Variants in MYH15 observed in about 807,000 individuals in gnomAD.
MYH15 encodes the protein myosin-15.
MYH15 carries 227 observed loss-of-function variants against 240.5 expected under a neutral mutation model. The observed-to-expected ratio is 0.94, with a 90% confidence interval of 0.85 to 1.05. The LOEUF (loss-of-function observed/expected upper bound fraction) is 1.05. MYH15 is among the 50% of genes least tolerant of loss of function. The pLI is 0.00. For missense variants in MYH15, 2,217 were observed against 2,247.5 expected (o/e 0.99, Z 0.27); for synonymous variants, 785 against 796.7 (o/e 0.99, Z 0.25).
chr3:108,470,338 A>T (rs1347336833), intron 13 of MYH15, 126 bp from the exon 14 acceptor site: 1 of 628,904 alleles, frequency 1.6e-6, no homozygotes, highest in Non-Finnish European at 2.6e-6. Context: ...AACAAGTAAC[A>T]AATGCTCAAT....
At chr3:108,406,395 G>A (rs2082546753) in intron 32 of MYH15, among the ~76,000 whole-genome samples, 1 of 152,072 alleles carries the variant, frequency 6.6e-6, no homozygotes, top group African/African-American at 2.4e-5. Flanking sequence ...AAAGATGATG[G>A]GAATTTTAAT....
chr3:108,445,491 C>G (rs546845847), intron 21 of MYH15, among the ~76,000 whole-genome samples: 19 of 151,516 alleles, frequency 1.3e-4, no homozygotes, highest in African/African-American at 4.4e-4. Flanking sequence ...GAATGATACA[C>G]AAATATCCAA....
chr3:108,424,748 T>C (rs1365283704), intron 27 of MYH15, among the ~76,000 whole-genome samples: 2 of 152,190 alleles, frequency 1.3e-5, no homozygotes, highest in Non-Finnish European at 2.9e-5. Flanking sequence ...AAGTAAACAA[T>C]TCAAGGAACA....
chr3:108,480,586 C>T (rs1290681755), intron 11 of MYH15, among the ~76,000 whole-genome samples: 1 of 152,016 alleles, frequency 6.6e-6, no homozygotes. Context: ...CAGAGTGAAC[C>T]CATTGCAGAA....
At chr3:108,434,825 C>T (rs1186285719) in intron 25 of MYH15, among the ~76,000 whole-genome samples, 1 of 152,120 alleles carries the variant, frequency 6.6e-6, no homozygotes, top group East Asian at 1.9e-4. Flanking sequence ...AATAAGATAG[C>T]CCTGTCCCTT....
chr3:108,428,808 G>A lies in MYH15; in HGVS notation c.3386C>T (p.Ala1129Val). 2 of 1,613,840 alleles carry A rather than the reference G, an allele frequency of 1.2e-6. 1 individual carries two copies. Among genetic ancestry groups the A allele is most frequent in the South Asian group, 2.2e-5 (2 of 91,036 alleles). Residue 1129 changes from alanine to valine, a missense_variant, in exon 27 of 41, where the codon GCT becomes GTT. By Grantham distance (64) the Ala-to-Val change is moderately conservative. Coordinates refer to ENST00000693548, the MANE Select transcript of MYH15 (RefSeq NM_014981.3). ...TTRAKMERERADLTQDLADLN... is the reference protein window; with the variant it reads ...TTRAKMERERVDLTQDLADLN... Reference sequence around the variant, plus strand: ...GTCAGCCAGGTCTTGGGTGAGGTCAGCTCTCTCCCTTTCCATCTTGGCTCG... The same window carrying A: ...GTCAGCCAGGTCTTGGGTGAGGTCAACTCTCTCCCTTTCCATCTTGGCTCG...
chr3:108,388,923 C>T (rs2082402597), intron 38 of MYH15, 47 bp downstream of exon 38: 2 of 1,545,024 alleles, frequency 1.3e-6, no homozygotes, highest in Non-Finnish European at 1.8e-6. Flanking sequence ...TACTTTTCTG[C>T]AGGGTAGTGC....
intron 3 of MYH15, 85 bp from the exon 4 acceptor site, chr3:108,500,359 G>T: frequency 1.4e-6 from 2 of 1,398,606 alleles, no homozygotes; most frequent in Non-Finnish European, 9.7e-7. Context: ...AGTAATATTT[G>T]CTCAAATATT....
chr3:108,410,972 ACT>A (rs1375966319), intron 30 of MYH15, 40 bp from the exon 31 acceptor site: 4 of 1,503,478 alleles, frequency 2.7e-6, no homozygotes, highest in Non-Finnish European at 3.6e-6. Flanking sequence ...TGAGGCAATA[ACT>A]CTCAGAGAGC....
chr3:108,545,311 T>C, the MYH15 span, among the ~76,000 whole-genome samples: 1 of 152,122 alleles, frequency 6.6e-6, no homozygotes, highest in Non-Finnish European at 1.5e-5. Flanking sequence ...AGAGAATCTT[T>C]ACCGTTCATT....
intron 31 of MYH15, 90 bp from the exon 32 acceptor site, chr3:108,408,494 G>T: frequency 7.5e-7 from 1 of 1,342,086 alleles, no homozygotes; most frequent in Non-Finnish European, 1.0e-6. Context: ...CCAGCCCACT[G>T]GAACAGTGAC....
intron 1 of MYH15, chr3:108,529,247 T>C: frequency 6.2e-7 from 1 of 1,601,474 alleles, no homozygotes; most frequent in Non-Finnish European, 8.6e-7. Context: ...AAAACATATG[T>C]TGGGAGTCCA....
intron 17 of MYH15, among the ~76,000 whole-genome samples, chr3:108,460,070 G>A (rs2083058071): frequency 1.3e-5 from 2 of 152,114 alleles, no homozygotes; most frequent in Admixed American, 6.6e-5. Context: ...GTTGTTATGA[G>A]CCAATATGCA....
chr3:108,536,256 C>T, the MYH15 span, among the ~76,000 whole-genome samples: 2 of 151,738 alleles, frequency 1.3e-5, no homozygotes, highest in African/African-American at 2.4e-5. Flanking sequence ...CAGAGTGAGA[C>T]TTTACCTCAA....
chr3:108,501,686 G>A, intron 3 of MYH15, 26 bp downstream of exon 3: 1 of 1,613,158 alleles, frequency 6.2e-7, no homozygotes, highest in Non-Finnish European at 8.5e-7. Flanking sequence ...CAACATGACA[G>A]TTTAGCAGGA....
At chr3:108,468,205 A>ACAC (rs1201395633) in intron 14 of MYH15, among the ~76,000 whole-genome samples, 1 of 152,194 alleles carries the variant, frequency 6.6e-6, no homozygotes, top group Non-Finnish European at 1.5e-5. Flanking sequence ...ACCTCAAGTG[A>ACAC]TCCACTCACC....
At chr3:108,435,310 G>T (rs1283547824) in intron 25 of MYH15, among the ~76,000 whole-genome samples, 1 of 152,000 alleles carries the variant, frequency 6.6e-6, no homozygotes, top group Non-Finnish European at 1.5e-5. Flanking sequence ...TTTAAAAATT[G>T]TGGTAAGAAC....
At chr3:108,383,500 A>T in intron 40 of MYH15, 95 bp downstream of exon 40, 1 of 1,370,748 alleles carries the variant, frequency 7.3e-7, no homozygotes, top group Non-Finnish European at 9.8e-7. Context: ...TTTTAAGGAG[A>T]AAAACAAATT....
chr3:108,491,437 T>C (rs1448944729), intron 9 of MYH15, among the ~76,000 whole-genome samples: 1 of 152,124 alleles, frequency 6.6e-6, no homozygotes, highest in Non-Finnish European at 1.5e-5. Context: ...ATCACAAAAC[T>C]TGGGGATATT....
Sources: gnomAD v4.1 joint callset for allele counts (sites outside exome capture counted in the v4.1 genomes callset) on GRCh38, gnomAD v4.1.1 for gene constraint, MANE v1.5 for transcripts, NCBI Gene and HGNC (gene_info 2026-07-23, HGNC 2026-07-21) for gene names.